Variants in TMC1 observed in about 807,000 individuals in gnomAD.
The protein encoded by TMC1 is transmembrane channel-like protein 1.
Under a neutral mutation model 105.8 loss-of-function variants are expected in TMC1, and 84 were observed. That is an observed-to-expected ratio of 0.79 (90% CI 0.67 to 0.95). TMC1 has a LOEUF of 0.95. Among genes scored for constraint, TMC1 ranks in the 40% least tolerant of loss-of-function variants. TMC1 has a pLI of 0.00. For missense variants in TMC1, 817 were observed against 914.1 expected (o/e 0.89, Z 1.37); for synonymous variants, 315 against 311.5 (o/e 1.01, Z -0.12).
intron 5 of TMC1, among the ~76,000 whole-genome samples, chr9:72,650,883 G>GATATATATAAAAAT (rs1288685250): frequency 1.0e-5 from 1 of 98,410 alleles, no homozygotes; most frequent in Non-Finnish European, 2.3e-5. Flanking sequence ...TATATATATA[G>GATATATATAAAAAT]ATATATAGAT....
At chr9:72,722,842 C>A (rs1827052005) in intron 8 of TMC1, among the ~76,000 whole-genome samples, 1 of 152,118 alleles carries the variant, frequency 6.6e-6, no homozygotes. Flanking sequence ...GTAAATACTT[C>A]CACTATAGCC....
intron 17 of TMC1, among the ~76,000 whole-genome samples, chr9:72,795,145 A>T (rs766908353): frequency 6.6e-6 from 1 of 152,230 alleles, no homozygotes; most frequent in African/African-American, 2.4e-5. Flanking sequence ...TGCCAAAGCT[A>T]TGAATCACTG....
chr9:72,794,180 A>T (rs557813020), intron 17 of TMC1, among the ~76,000 whole-genome samples: 11 of 152,278 alleles, frequency 7.2e-5, no homozygotes, highest in African/African-American at 2.4e-4. Context: ...GCTGACCTGC[A>T]TCTCAATGGG....
Position 72,820,827 on chromosome 9 carries a change from C to A in TMC1, c.1764-15C>A, listed in dbSNP as rs772773999. On this transcript the variant is annotated splice_polypyrimidine_tract_variant and intron_variant, in intron 19 of 23. Transcript: ENST00000297784. ...TAAAGACTCAAAACTGAGCAGAGTT[C>A]TGTTTTCTTTCTAGGATGGGCTCCT... 3 of 1,613,928 alleles carry A rather than the reference C, an allele frequency of 1.9e-6. No homozygotes were observed. In the South Asian group the frequency reaches 3.3e-5, roughly 18 times the overall value.
intron 4 of TMC1, among the ~76,000 whole-genome samples, chr9:72,643,194 T>G (rs1431255908): frequency 2.0e-5 from 3 of 152,162 alleles, no homozygotes; most frequent in East Asian, 3.9e-4. Flanking sequence ...CTTTCCCGCT[T>G]TTTTAGATAT....
intron 8 of TMC1, among the ~76,000 whole-genome samples, chr9:72,710,477 A>G (rs186899427): frequency 1.3e-5 from 2 of 152,272 alleles, no homozygotes; most frequent in East Asian, 1.9e-4. Flanking sequence ...GTTGCTGTCT[A>G]TCTCATTTCT....
In TMC1 at chr9:72,836,923, A is replaced by C. The variant is rs1829134840; in HGVS notation, c.*950A>C. The C allele has an allele frequency of 6.6e-6, 1 of 152,168 alleles. No individual in the cohort carries two copies. Among genetic ancestry groups the C allele is most frequent in the Non-Finnish European group, 1.5e-5 (1 of 68,042 alleles). The allele number at this position is 152,168 out of a possible 1,614,324, so 9.4% of individuals were successfully genotyped here. ...TAGAGCAGGAGTGTAGGTTTATTAA[A>C]AAGTTTTACAGCAGGAACAAAAGGA... On this transcript the variant is annotated 3_prime_UTR_variant, in exon 24 of 24. Coordinates refer to ENST00000297784, the MANE Select transcript of TMC1 (RefSeq NM_138691.3).
At chr9:72,650,883 G>GATATATATAT (rs1288685250) in intron 5 of TMC1, among the ~76,000 whole-genome samples, 4 of 98,410 alleles carry the variant, frequency 4.1e-5, no homozygotes, top group Admixed American at 1.0e-4. Context: ...TATATATATA[G>GATATATATAT]ATATATAGAT....
At chr9:72,786,426 A>G (rs1176036804) in intron 13 of TMC1, among the ~76,000 whole-genome samples, 2 of 152,214 alleles carry the variant, frequency 1.3e-5, no homozygotes, top group African/African-American at 2.4e-5. Context: ...CCTGGGCGAC[A>G]GAGAAGACTC....
chr9:72,826,853 T>C lies in TMC1; in HGVS notation c.2004-16T>C. ...TGTTCTTAATAAACTTATCTCCCCC[T>C]TTTTAATTCCCCCAGTGGCAAAAAT... is the stretch of plus-strand genomic sequence containing the variant. On this transcript the variant is annotated splice_polypyrimidine_tract_variant and intron_variant, in intron 20 of 23. Transcript: ENST00000297784. 1 of 1,613,244 alleles carries C rather than the reference T, an allele frequency of 6.2e-7. No individual in the cohort carries two copies. The highest frequency in any genetic ancestry group is 8.5e-7 in the Non-Finnish European group (1 of 1,179,302).
intron 17 of TMC1, among the ~76,000 whole-genome samples, chr9:72,796,640 G>C (rs1042451571): frequency 1.3e-5 from 2 of 152,142 alleles, no homozygotes; most frequent in Non-Finnish European, 2.9e-5. Context: ...TATCTCCATA[G>C]ATGCAGAAAA....
chr9:72,788,736 G>C (rs573413049), intron 14 of TMC1, among the ~76,000 whole-genome samples: 66 of 152,114 alleles, frequency 4.3e-4, no homozygotes, highest in African/African-American at 1.6e-3. Context: ...GATTGAAATA[G>C]GACCATGAGT....
chr9:72,714,979 G>A (rs1353747679), intron 8 of TMC1, among the ~76,000 whole-genome samples: 1 of 152,134 alleles, frequency 6.6e-6, no homozygotes, highest in Non-Finnish European at 1.5e-5. Flanking sequence ...AAATCTCTCA[G>A]CATTTCCTTG....
At chr9:72,535,664 A>C (rs969689239) in intron 1 of TMC1, among the ~76,000 whole-genome samples, 3 of 152,206 alleles carry the variant, frequency 2.0e-5, no homozygotes, top group African/African-American at 7.2e-5. Context: ...GAGACTAGAT[A>C]GTTTAATAAG....
chr9:72,619,533 C>A (rs921778240), intron 3 of TMC1, among the ~76,000 whole-genome samples: 2 of 151,892 alleles, frequency 1.3e-5, no homozygotes, highest in Admixed American at 1.3e-4. Flanking sequence ...TGAATAGTTG[C>A]TATATCTGTG....
chr9:72,658,150 A>G (rs1180637826), intron 5 of TMC1, among the ~76,000 whole-genome samples: 1 of 152,190 alleles, frequency 6.6e-6, no homozygotes, highest in Non-Finnish European at 1.5e-5. Context: ...AGTGTAATAG[A>G]CACTCCTTGA....
chr9:72,567,469 G>T (rs1416275830), intron 1 of TMC1, among the ~76,000 whole-genome samples: 1 of 152,206 alleles, frequency 6.6e-6, no homozygotes, highest in East Asian at 1.9e-4. Flanking sequence ...AAGAAAAGAG[G>T]TTTAAATGAT....
chr9:72,692,974 G>A (rs149152095), intron 6 of TMC1, among the ~76,000 whole-genome samples: 2 of 152,186 alleles, frequency 1.3e-5, no homozygotes, highest in East Asian at 3.9e-4. Context: ...CAAAAAATTA[G>A]CTGGGTATGA....
intron 2 of TMC1, 136 bp from the exon 3 acceptor site, chr9:72,616,232 G>C (rs1825125752): frequency 6.6e-6 from 1 of 152,194 alleles, no homozygotes; most frequent in South Asian, 2.1e-4. Context: ...AGTTGGGGAA[G>C]CTCAAACTGT....
Sources: gnomAD v4.1 joint callset for allele counts (sites outside exome capture counted in the v4.1 genomes callset) on GRCh38, gnomAD v4.1.1 for gene constraint, MANE v1.5 for transcripts, NCBI Gene and HGNC (gene_info 2026-07-23, HGNC 2026-07-21) for gene names.